Variants in USP14 observed in about 807,000 individuals in gnomAD.
USP14 encodes the protein ubiquitin carboxyl-terminal hydrolase 14.
In USP14, 38 loss-of-function variants were observed where a neutral mutation model predicts 76.5. That is an observed-to-expected ratio of 0.50 (90% CI 0.38 to 0.65). USP14 has a LOEUF of 0.65. Ranked by LOEUF, USP14 falls within the 30% of genes least tolerant of loss-of-function variation. The pLI is 0.00. For synonymous variants in USP14, 192 were observed against 191.7 expected, an observed-to-expected ratio of 1.00 and a Z score of -0.01; for missense variants, 467 against 586.5, an observed-to-expected ratio of 0.80 and a Z score of 2.10.
chr18:194,482 G>T (rs1910176510), intron 6 of USP14, among the ~76,000 whole-genome samples: 1 of 152,094 alleles, frequency 6.6e-6, no homozygotes. Flanking sequence ...GAATTCACCA[G>T]TTACTAACTT....
intron 3 of USP14, among the ~76,000 whole-genome samples, chr18:170,766 C>T (rs762276604): frequency 2.6e-5 from 4 of 151,770 alleles, no homozygotes; most frequent in Non-Finnish European, 5.9e-5. Flanking sequence ...AACAGAAAAC[C>T]GAACACCGCA....
At chr18:161,004 T>A (rs1278124455) in intron 1 of USP14, among the ~76,000 whole-genome samples, 3 of 152,210 alleles carry the variant, frequency 2.0e-5, no homozygotes. Context: ...GTTGGCTCAC[T>A]GCGACCTCCA....
intron 3 of USP14, among the ~76,000 whole-genome samples, chr18:167,976 T>C (rs1477316610): frequency 2.0e-5 from 3 of 150,004 alleles, no homozygotes; most frequent in Non-Finnish European, 4.4e-5. Flanking sequence ...TCACTCTTAT[T>C]GCCCAGGCTA....
At chr18:165,773 C>G (rs1208956702) in intron 2 of USP14, among the ~76,000 whole-genome samples, 1 of 152,098 alleles carries the variant, frequency 6.6e-6, no homozygotes, top group African/African-American at 2.4e-5. Flanking sequence ...AGTTATCATT[C>G]ATTATGTTTA....
rs116939866 is a variant in USP14, at chr18:213,466, T to C, written c.*2182T>C. On this transcript the variant is annotated 3_prime_UTR_variant, in exon 16 of 16. Coordinates refer to ENST00000261601, the MANE Select transcript of USP14 (RefSeq NM_005151.4). ...GTGTTGTTTTTAACTAATAAGGCTA[T>C]TTTAGAATTCAGCCTTGCCTGTAAG... 1,985 of 152,652 alleles carry C rather than the reference T, an allele frequency of 0.013. 18 individuals are homozygous for C. The highest frequency in any genetic ancestry group is 0.021 in the Non-Finnish European group (1,399 of 68,028). The allele number at this position is 152,652 out of a possible 1,614,324, so 9.5% of individuals were successfully genotyped here.
At chr18:194,493 T>G (rs1910177217) in intron 6 of USP14, among the ~76,000 whole-genome samples, 4 of 152,226 alleles carry the variant, frequency 2.6e-5, no homozygotes, top group Admixed American at 2.6e-4. Flanking sequence ...TTACTAACTT[T>G]TAGTCGCATT....
chr18:212,613 G>GA lies in USP14; in HGVS notation c.*1335dup, dbSNP rs1173671807. 1.3e-5 allele frequency: 2 copies of GA among 151,268 alleles called. No individual in the cohort carries two copies. The highest frequency in any genetic ancestry group is 2.9e-5 in the Non-Finnish European group (2 of 67,858). 9.4% of individuals were successfully genotyped at this position (151,268 alleles called of 1,614,324 possible). On this transcript the variant is annotated 3_prime_UTR_variant, in exon 16 of 16. Transcript: ENST00000261601. ...AGAGACTCTGTCTCAAAAAAAAAAA[G>GA]AAAAAATTCCCAAATCTTAATGTCT... is the stretch of plus-strand genomic sequence containing the variant.
At chr18:197,717 A>G in intron 8 of USP14, 21 bp downstream of exon 8, 1 of 1,575,384 alleles carries the variant, frequency 6.3e-7, no homozygotes, top group South Asian at 1.1e-5. Context: ...TATATTTGTG[A>G]TTATAGACTT....
Position 158,609 on chromosome 18 carries a change from C to T in USP14, c.-90C>T. The T allele has an allele frequency of 4.9e-6, 7 of 1,420,836 alleles. No homozygotes were observed. Among genetic ancestry groups the T allele is most frequent in the South Asian group, 2.6e-5 (2 of 78,028 alleles). 88.0% of individuals were successfully genotyped at this position (1,420,836 alleles called of 1,614,324 possible). On this transcript the variant is annotated 5_prime_UTR_variant, in exon 1 of 16. Coordinates refer to ENST00000261601, the MANE Select transcript of USP14 (RefSeq NM_005151.4). ...CGCCACCACCGCGCCTCCGCCTCGG[C>T]CGCCGCCGCAGCTGCTCCTGGTCCC...
chr18:180,103 C>A, intron 4 of USP14, 133 bp from the exon 5 acceptor site: 1 of 494,068 alleles, frequency 2.0e-6, no homozygotes, highest in Non-Finnish European at 3.5e-6. Context: ...AGCGTGAAGG[C>A]AGAATATAAA....
At position 173,030 on chromosome 18, in the gene USP14, G is replaced by A. The variant is rs369481965; in HGVS notation, c.196-5903G>A. Reference sequence around the variant, plus strand: ...TGTAAGAAATCTTCGCCTGTGCCAAGTTTACAAGATTTTTTTTTTCTGTTT... The same window carrying A: ...TGTAAGAAATCTTCGCCTGTGCCAAATTTACAAGATTTTTTTTTTCTGTTT... On this transcript the variant is annotated intron_variant, in intron 3 of 15. Transcript: ENST00000261601. 7.3e-5 allele frequency among the ~76,000 whole-genome samples: 11 copies of A among 150,238 alleles called. No individual in the cohort carries two copies. The South Asian group carries it at 2.3e-3, about 31-fold the overall frequency.
chr18:172,099 A>G (rs529085119), intron 3 of USP14, among the ~76,000 whole-genome samples: 6 of 152,238 alleles, frequency 3.9e-5, no homozygotes, highest in South Asian at 2.1e-4. Context: ...TTAGTTGGGC[A>G]TGGTGGTGTA....
chr18:205,883 A>G (rs1910516395), intron 13 of USP14, among the ~76,000 whole-genome samples: 1 of 152,206 alleles, frequency 6.6e-6, no homozygotes, highest in Admixed American at 6.5e-5. Context: ...TGTTGTGCAT[A>G]TCAGTTGCTC....
At chr18:168,146 G>A (rs1446818488) in intron 3 of USP14, among the ~76,000 whole-genome samples, 2 of 151,840 alleles carry the variant, frequency 1.3e-5, no homozygotes, top group Non-Finnish European at 2.9e-5. Context: ...GGCTGGTCTC[G>A]AACTCCCGAC....
chr18:171,025 A>AAAATATAT (rs1327304974), intron 3 of USP14, among the ~76,000 whole-genome samples: 4 of 47,646 alleles, frequency 8.4e-5, no homozygotes, highest in African/African-American at 2.6e-4. Context: ...AAAAAAAAAA[A>AAAATATAT]ATATATATAT....
chr18:179,142 T>A, intron 4 of USP14, 105 bp downstream of exon 4: 1 of 701,534 alleles, frequency 1.4e-6, no homozygotes, highest in Non-Finnish European at 2.3e-6. Flanking sequence ...ACTTAATCAT[T>A]AATACCAAGA....
At chr18:172,364 A>G (rs1909488122) in intron 3 of USP14, among the ~76,000 whole-genome samples, 1 of 152,116 alleles carries the variant, frequency 6.6e-6, no homozygotes, top group South Asian at 2.1e-4. Context: ...TTCTTGAGAT[A>G]GACTCTACTC....
chr18:196,343 C>T (rs565074850), intron 6 of USP14, among the ~76,000 whole-genome samples: 1 of 151,466 alleles, frequency 6.6e-6, no homozygotes, highest in South Asian at 2.1e-4. Context: ...ATGGTGAAAC[C>T]CCATCTCTAC....
Position 163,345 on chromosome 18 carries a change from A to G in USP14, c.54A>G (p.Val18=), listed in dbSNP as rs1189434607. The G allele has an allele frequency of 6.2e-7, 1 of 1,613,342 alleles. No individual in the cohort carries two copies. Among genetic ancestry groups the G allele is most frequent in the African/African-American group, 1.3e-5 (1 of 74,924 alleles). The change falls in exon 2 of 16, where the codon GTA becomes GTG. Residue 18 remains valine, a synonymous_variant. Coordinates refer to ENST00000261601, the MANE Select transcript of USP14 (RefSeq NM_005151.4). ...GGGGAAAGGAGAAATTTGAAGGTGT[A>G]GAATTGAATACAGATGAACCTCCAA... ...VKWGKEKFEG[V]ELNTDEPPMV... is the part of the protein sequence containing the mutation.
Sources: allele counts gnomAD v4.1 joint callset (sites outside exome capture counted in the v4.1 genomes callset), GRCh38; gene constraint gnomAD v4.1.1; transcripts MANE v1.5; gene names NCBI Gene and HGNC (gene_info 2026-07-23, HGNC 2026-07-21).